Variants in YAF2 observed in about 807,000 individuals in gnomAD.
YAF2 encodes YY1-associated factor 2.
YAF2 carries 7 observed loss-of-function variants against 20.1 expected under a neutral mutation model. The ratio of observed to expected loss-of-function variants is 0.35; its 90% CI spans 0.20 to 0.65. YAF2 has a LOEUF of 0.65. Ranked by LOEUF, YAF2 falls within the 30% of genes least tolerant of loss-of-function variation. YAF2 has a pLI of 0.69. For synonymous variants in YAF2, 74 were observed against 76.0 expected (o/e 0.97, Z 0.14); for missense variants, 151 against 219.2 (o/e 0.69, Z 1.96).
At chr12:42,205,565 G>C (rs1205925410) in intron 2 of YAF2, among the ~76,000 whole-genome samples, 1 of 152,096 alleles carries the variant, frequency 6.6e-6, no homozygotes, top group African/African-American at 2.4e-5. Context: ...AGTAGAGACA[G>C]GCTTTCACCA....
intron 2 of YAF2, among the ~76,000 whole-genome samples, chr12:42,230,082 C>T (rs1394645527): frequency 6.6e-6 from 1 of 152,054 alleles, no homozygotes. Flanking sequence ...CATGGTGAAA[C>T]CCTGTCTCTA....
intron 2 of YAF2, chr12:42,235,859 CCTT>C (rs1190853339): frequency 7.3e-5 from 112 of 1,535,994 alleles, no homozygotes; most frequent in Non-Finnish European, 8.5e-5. Context: ...GTACTATATT[CCTT>C]CTTCTTCCAG....
chr12:42,186,753 T>A lies in YAF2; in HGVS notation c.153-24988A>T, dbSNP rs149857245. ...GGAGTAACCAGGAAGCAGATTAGTA[T>A]TAAATTTGCCAATGCCTCAATTTGG... is the stretch of plus-strand genomic sequence containing the variant. On this transcript the variant is annotated intron_variant, in intron 2 of 3. Coordinates refer to ENST00000534854, the MANE Select transcript of YAF2 (RefSeq NM_005748.6). Among the ~76,000 whole-genome samples, 1,016 of 152,276 alleles carry A rather than the reference T, an allele frequency of 6.7e-3. 11 individuals carry two copies. The highest frequency in any genetic ancestry group is 9.2e-3 in the Non-Finnish European group (624 of 68,014).
chr12:42,180,658 A>C (rs904547939), intron 2 of YAF2, among the ~76,000 whole-genome samples: 6 of 152,208 alleles, frequency 3.9e-5, no homozygotes, highest in African/African-American at 1.4e-4. Flanking sequence ...TAATATTTCA[A>C]GTATTGAGGC....
intron 2 of YAF2, among the ~76,000 whole-genome samples, chr12:42,218,369 CT>C (rs1378627139): frequency 2.0e-5 from 3 of 152,110 alleles, no homozygotes; most frequent in Non-Finnish European, 4.4e-5. Context: ...TATGGTTTGT[CT>C]GCTCGTAAAT....
intron 2 of YAF2, among the ~76,000 whole-genome samples, chr12:42,173,793 A>G (rs1345687679): frequency 6.6e-6 from 1 of 152,158 alleles, no homozygotes; most frequent in Non-Finnish European, 1.5e-5. Flanking sequence ...CTGGGAAGAG[A>G]GCACTGAACA....
At chr12:42,226,102 A>G (rs1451138817) in intron 2 of YAF2, among the ~76,000 whole-genome samples, 2 of 152,178 alleles carry the variant, frequency 1.3e-5, no homozygotes, top group East Asian at 3.8e-4. Context: ...CATCCCTTGT[A>G]AGTTGTATTC....
At chr12:42,196,155 G>C (rs1310296904) in intron 2 of YAF2, among the ~76,000 whole-genome samples, 3 of 149,622 alleles carry the variant, frequency 2.0e-5, no homozygotes, top group Non-Finnish European at 4.4e-5. Flanking sequence ...CCAAGAGGTG[G>C]AGGTTGCAGT....
rs1370180640 is a variant in YAF2, at chr12:42,237,569, G to A, written c.152+30C>T. The A allele has an allele frequency of 2.7e-6, 4 of 1,491,340 alleles. No individual in the cohort carries two copies. In the East Asian group the frequency reaches 1.1e-4, roughly 41 times the overall value. The allele number at this position is 1,491,340 out of a possible 1,614,324, so 92.4% of individuals were successfully genotyped here. A position where few individuals can be genotyped will look rare whatever the true frequency, so the allele number is the denominator to read the frequency against. ...TCCTCTGGTCGCCACCCCGCCGGCC[G>A]GCGGCGCGAGGGGCAGGCCCGGGAC... On this transcript the variant is annotated intron_variant, in intron 2 of 3. Transcript: ENST00000534854.
At chr12:42,228,707 A>G (rs1592059665) in intron 2 of YAF2, among the ~76,000 whole-genome samples, 9 of 66,242 alleles carry the variant, frequency 1.4e-4, no homozygotes, top group Admixed American at 2.6e-4. Flanking sequence ...CCGGGAGGTG[A>G]GGGGCGCCTC....
At chr12:42,175,956 T>G (rs984860443) in intron 2 of YAF2, among the ~76,000 whole-genome samples, 1 of 150,668 alleles carries the variant, frequency 6.6e-6, no homozygotes, top group African/African-American at 2.4e-5. Context: ...ACTTAACATA[T>G]CCACTTGGGG....
intron 2 of YAF2, among the ~76,000 whole-genome samples, chr12:42,214,404 T>C (rs1197560732): frequency 6.6e-6 from 1 of 152,140 alleles, no homozygotes; most frequent in Non-Finnish European, 1.5e-5. Flanking sequence ...TCCAAGTAGC[T>C]GGGAAACCAG....
rs1338460376 is a variant in YAF2, at chr12:42,160,561, G to A, written c.*28C>T. The A allele has an allele frequency of 6.4e-7, 1 of 1,571,822 alleles. No homozygotes were observed. Among genetic ancestry groups the A allele is most frequent in the Admixed American group, 1.7e-5 (1 of 59,354 alleles). On this transcript the variant is annotated 3_prime_UTR_variant, in exon 4 of 4. Coordinates refer to ENST00000534854, the MANE Select transcript of YAF2 (RefSeq NM_005748.6). Reference sequence around the variant, plus strand: ...TGTGTATTTGCATGGTAGGACAGAAGTGACTAAGAAATTGGAGAAAATAAA... The same window carrying A: ...TGTGTATTTGCATGGTAGGACAGAAATGACTAAGAAATTGGAGAAAATAAA...
intron 2 of YAF2, among the ~76,000 whole-genome samples, chr12:42,230,693 A>G (rs1031954969): frequency 6.6e-6 from 1 of 152,242 alleles, no homozygotes; most frequent in Admixed American, 6.5e-5. Context: ...ACAAATTAGA[A>G]TCAAAGCTGA....
chr12:42,166,201 T>C (rs1182352597), intron 2 of YAF2, among the ~76,000 whole-genome samples: 1 of 152,166 alleles, frequency 6.6e-6, no homozygotes, highest in East Asian at 1.9e-4. Context: ...GCATGAGCCA[T>C]TGCGCCTGGC....
At chr12:42,169,064 T>C (rs1212354127) in intron 2 of YAF2, among the ~76,000 whole-genome samples, 2 of 152,218 alleles carry the variant, frequency 1.3e-5, no homozygotes, top group Non-Finnish European at 2.9e-5. Flanking sequence ...TCTTCCAGTA[T>C]TTTGAAAATG....
At chr12:42,235,191 T>A (rs2068108964) in intron 2 of YAF2, 1 of 990,642 alleles carries the variant, frequency 1.0e-6, no homozygotes, top group African/African-American at 1.7e-5. Flanking sequence ...AACAAATCAT[T>A]AGCAAACTGC....
intron 2 of YAF2, chr12:42,232,896 G>A (rs941039676): frequency 6.3e-5 from 62 of 985,108 alleles, no homozygotes; most frequent in Middle Eastern, 1.0e-3. Flanking sequence ...TTTTAATGAA[G>A]AAGTTCCACC....
At chr12:42,238,046 C>G (rs2068239436) in intron 1 of YAF2, 109 bp downstream of exon 1, 1 of 968,506 alleles carries the variant, frequency 1.0e-6, no homozygotes, top group South Asian at 3.8e-5. Flanking sequence ...GCGGCGCTGC[C>G]CCCGTGCTCG....
Sources: allele counts gnomAD v4.1 joint callset (sites outside exome capture counted in the v4.1 genomes callset), GRCh38; gene constraint gnomAD v4.1.1; transcripts MANE v1.5; gene names NCBI Gene and HGNC (gene_info 2026-07-23, HGNC 2026-07-21).